The following ESR1 variants were observed in gnomAD, a reference collection of about 807,000 sequenced individuals.
The protein encoded by ESR1 is estrogen receptor 1.
A neutral mutation model predicts 52.7 loss-of-function variants in ESR1; 12 were observed. The ratio of observed to expected loss-of-function variants is 0.23; its 90% CI spans 0.15 to 0.37. The LOEUF (loss-of-function observed/expected upper bound fraction) is 0.37. ESR1 is among the 10% of genes least tolerant of loss of function. The pLI, the probability that ESR1 is intolerant of heterozygous loss-of-function variation, is 1.00. For synonymous variants in ESR1, 305 were observed against 316.8 expected, an observed-to-expected ratio of 0.96 and a Z score of 0.39; for missense variants, 584 against 779.7, an observed-to-expected ratio of 0.75 and a Z score of 2.99.
At chr6:152,120,449 G>A (rs918075189) in intron 6 of ESR1, among the ~76,000 whole-genome samples, 1 of 152,148 alleles carries the variant, frequency 6.6e-6, no homozygotes, top group African/African-American at 2.4e-5. Context: ...AGTGGGCGGG[G>A]GGCGATCCAT....
chr6:151,699,708 T>C (rs889651227), intron 1 of ESR1, among the ~76,000 whole-genome samples: 2 of 152,222 alleles, frequency 1.3e-5, no homozygotes, highest in African/African-American at 4.8e-5. Flanking sequence ...TGTCATATTA[T>C]GGCAAGTTTC....
intron 4 of ESR1, among the ~76,000 whole-genome samples, chr6:151,968,753 C>T (rs986897714): frequency 6.6e-6 from 1 of 152,050 alleles, no homozygotes; most frequent in East Asian, 1.9e-4. Flanking sequence ...GATCTGGTTC[C>T]GGGTCAGTGG....
chr6:151,782,634 G>C (rs964869627), intron 2 of ESR1, among the ~76,000 whole-genome samples: 9 of 152,070 alleles, frequency 5.9e-5, no homozygotes, highest in African/African-American at 2.2e-4. Flanking sequence ...ATTTAAATGT[G>C]TGTGGAGGTG....
chr6:151,689,080 G>C (rs1186411792), upstream of ESR1, among the ~76,000 whole-genome samples: 3 of 152,094 alleles, frequency 2.0e-5, no homozygotes, highest in Admixed American at 1.3e-4. Context: ...GAATTCATTA[G>C]CTGTCCTATT....
intron 1 of ESR1, among the ~76,000 whole-genome samples, chr6:151,658,464 A>T (rs1777531212): frequency 6.6e-6 from 1 of 152,222 alleles, no homozygotes; most frequent in Admixed American, 6.5e-5. Flanking sequence ...CATTCAATAA[A>T]AATAGTTGAT....
intron 3 of ESR1, among the ~76,000 whole-genome samples, 191 bp from the exon 4 acceptor site, chr6:151,943,982 T>C (rs896630178): frequency 1.3e-5 from 2 of 152,218 alleles, no homozygotes; most frequent in African/African-American, 4.8e-5. Flanking sequence ...ATTTACACCA[T>C]GAAAACTGCT....
intron 2 of ESR1, among the ~76,000 whole-genome samples, chr6:151,735,231 G>A (rs1333145879): frequency 6.6e-6 from 1 of 152,088 alleles, no homozygotes; most frequent in Non-Finnish European, 1.5e-5. Context: ...CTCATGGTCT[G>A]TTGTTCTCTC....
intron 2 of ESR1, among the ~76,000 whole-genome samples, chr6:151,709,067 T>C (rs1029373128): frequency 6.6e-6 from 1 of 152,182 alleles, no homozygotes; most frequent in East Asian, 1.9e-4. Flanking sequence ...TTGCACTTAC[T>C]TTTCCGATTT....
At chr6:151,758,421 G>T (rs182616203) in intron 2 of ESR1, among the ~76,000 whole-genome samples, 73 of 152,268 alleles carry the variant, frequency 4.8e-4, no homozygotes, top group African/African-American at 1.7e-3. Flanking sequence ...TAGCATGTGT[G>T]AGTTCCTGGG....
intron 2 of ESR1, among the ~76,000 whole-genome samples, chr6:151,748,836 C>T (rs974413372): frequency 2.0e-5 from 3 of 152,112 alleles, no homozygotes; most frequent in Non-Finnish European, 4.4e-5. Flanking sequence ...TTTCAAATTT[C>T]TGAGAAATAT....
chr6:152,058,405 C>T (rs2047279657), intron 5 of ESR1, among the ~76,000 whole-genome samples: 1 of 152,164 alleles, frequency 6.6e-6, no homozygotes, highest in African/African-American at 2.4e-5. Flanking sequence ...ATGCGCATGG[C>T]AGTTTTTTTC....
intron 3 of ESR1, among the ~76,000 whole-genome samples, chr6:151,939,978 T>C (rs1262993593): frequency 6.6e-6 from 1 of 152,132 alleles, no homozygotes; most frequent in Non-Finnish European, 1.5e-5. Flanking sequence ...ATATCGTTCA[T>C]TTAGGGTATA....
At chr6:151,943,521 TA>T (rs1309796628) in intron 3 of ESR1, among the ~76,000 whole-genome samples, 3 of 152,108 alleles carry the variant, frequency 2.0e-5, no homozygotes, top group Admixed American at 6.6e-5. Flanking sequence ...TAAAATCCAG[TA>T]AATGACTTGA....
chr6:151,719,711 G>A (rs999360747), intron 2 of ESR1, among the ~76,000 whole-genome samples: 4 of 152,080 alleles, frequency 2.6e-5, no homozygotes, highest in African/African-American at 4.8e-5. Context: ...CTTAATTGGC[G>A]AGCAGATTAA....
At chr6:151,680,735 G>T (rs1326195419) in intron 1 of ESR1, among the ~76,000 whole-genome samples, 1 of 152,098 alleles carries the variant, frequency 6.6e-6, no homozygotes, top group Non-Finnish European at 1.5e-5. Flanking sequence ...TGTTCCACTA[G>T]AATATAAGCT....
downstream of ESR1, among the ~76,000 whole-genome samples, chr6:152,105,426 ATTT>A (rs10717810): frequency 1.6e-4 from 22 of 138,228 alleles, no homozygotes; most frequent in East Asian, 2.1e-4. Context: ...TCCTCTGTTA[ATTT>A]TTTTTTTTTT....
intron 4 of ESR1, among the ~76,000 whole-genome samples, chr6:152,001,721 T>G (rs1336832387): frequency 6.6e-6 from 1 of 152,032 alleles, no homozygotes; most frequent in African/African-American, 2.4e-5. Context: ...AGTTCAGTGG[T>G]TACTGACTTC....
At chr6:151,900,689 G>A (rs747308540) in intron 3 of ESR1, among the ~76,000 whole-genome samples, 13 of 152,150 alleles carry the variant, frequency 8.5e-5, no homozygotes, top group Non-Finnish European at 1.6e-4. Flanking sequence ...CCTGGGAACC[G>A]ACCTGTAGTG....
intron 2 of ESR1, among the ~76,000 whole-genome samples, chr6:151,716,050 C>A (rs1400625125): frequency 6.6e-6 from 1 of 152,168 alleles, no homozygotes; most frequent in Admixed American, 6.5e-5. Flanking sequence ...GATATTAATG[C>A]TATTCCTTTC....
Sources: gnomAD v4.1 joint callset for allele counts (sites outside exome capture counted in the v4.1 genomes callset) on GRCh38, gnomAD v4.1.1 for gene constraint, MANE v1.5 for transcripts, NCBI Gene and HGNC (gene_info 2026-07-23, HGNC 2026-07-21) for gene names.